The following OGFOD3 variants were observed in gnomAD, a reference collection of about 807,000 sequenced individuals.
OGFOD3 encodes the protein 2-oxoglutarate and iron-dependent oxygenase domain-containing protein 3.
In OGFOD3, 35 loss-of-function variants were observed where a neutral mutation model predicts 39.8. The ratio of observed to expected loss-of-function variants is 0.88; its 90% CI spans 0.67 to 1.17. OGFOD3 has a LOEUF of 1.17. OGFOD3 is among the 50% of genes most tolerant of loss of function. The pLI, the probability that OGFOD3 is intolerant of heterozygous loss-of-function variation, is 0.00. For missense variants in OGFOD3, 438 were observed against 454.5 expected, an observed-to-expected ratio of 0.96 and a Z score of 0.33; for synonymous variants, 200 against 192.0, an observed-to-expected ratio of 1.04 and a Z score of -0.34.
rs759902310 is a variant in OGFOD3, at chr17:82,406,463, T to A, written c.443A>T (p.His148Leu). Residue 148 changes from histidine (H) to leucine (L), a missense_variant, in exon 5 of 9, where the codon CAC (histidine) becomes CTC (leucine). Coordinates refer to ENST00000313056, the MANE Select transcript of OGFOD3 (RefSeq NM_024648.3). The surrounding 1 kb of genome is among the most constrained non-coding windows in gnomAD (Gnocchi z 5.2). ...SDGGASILDL[H>L]SGALSVGKHF... is the part of the protein sequence containing the mutation. The stretch of plus-strand genomic sequence containing the variant: ...CTTCCCGACAGACAGGGCCCCTGAG[T>A]GCAAGTCCAGAATGGATGCCTGGAA... 1 of 1,613,988 alleles carries A rather than the reference T, an allele frequency of 6.2e-7. No homozygotes were observed. Among genetic ancestry groups the A allele is most frequent in the Non-Finnish European group, 8.5e-7 (1 of 1,180,028 alleles).
At chr17:82,400,190 G>C (rs769106366) in intron 7 of OGFOD3, among the ~76,000 whole-genome samples, 2 of 152,160 alleles carry the variant, frequency 1.3e-5, no homozygotes, top group South Asian at 4.1e-4. Flanking sequence ...GCCCTGGGCG[G>C]TGGGTCAAGC....
At chr17:82,413,148 AG>A (rs2052979736) in intron 2 of OGFOD3, among the ~76,000 whole-genome samples, 1 of 152,246 alleles carries the variant, frequency 6.6e-6, no homozygotes, top group African/African-American at 2.4e-5. Flanking sequence ...CTTTTTTATA[AG>A]GTTTACCCCA....
intron 8 of OGFOD3, among the ~76,000 whole-genome samples, chr17:82,397,914 C>CTGG (rs1172113753): frequency 2.0e-5 from 3 of 152,204 alleles, no homozygotes; most frequent in East Asian, 1.9e-4. Flanking sequence ...CAAGGTGACA[C>CTGG]ACACCAGGGA....
intron 4 of OGFOD3, among the ~76,000 whole-genome samples, chr17:82,408,070 G>A (rs1274734155): frequency 2.6e-5 from 4 of 152,168 alleles, no homozygotes; most frequent in African/African-American, 9.7e-5. Flanking sequence ...TTGAACCCAG[G>A]AGTTGGAGGT....
rs1259594278 is a variant in OGFOD3, at chr17:82,392,691, AAGG to A, written c.824-160_824-158del. ...CCCCTCTGGGAACTGCTTCTGCAGG[AAGG>A]AGGAGCTGGAGAAACAAACGCAGCA... On this transcript the variant is annotated intron_variant, in intron 8 of 8. Coordinates refer to ENST00000313056, the MANE Select transcript of OGFOD3 (RefSeq NM_024648.3). The surrounding 1 kb of genome is among the most constrained non-coding windows in gnomAD (Gnocchi z 4.2). 8 of 883,824 alleles carry A rather than the reference AAGG, an allele frequency of 9.1e-6. No individual in the cohort carries two copies. Among genetic ancestry groups the A allele is most frequent in the African/African-American group, 1.7e-5 (1 of 58,946 alleles). The allele number at this position is 883,824 out of a possible 1,614,324, so 54.7% of individuals were successfully genotyped here. A position where few individuals can be genotyped will look rare whatever the true frequency, so the allele number is the denominator to read the frequency against.
rs2053025010 is a variant in OGFOD3, at chr17:82,415,887, GT to G, written c.75-261del. Among the ~76,000 whole-genome samples the G allele has an allele frequency of 1.4e-5, 2 of 146,522 alleles. No homozygotes were observed. The highest frequency in any genetic ancestry group is 5.1e-5 in the African/African-American group (2 of 38,962). ...GAAATATTGCAATAGAGACTCATGGGTTTTAAGCAAAAGAAAAAAAAAAAAA... is the reference window on the plus strand; with the variant it reads ...GAAATATTGCAATAGAGACTCATGGGTTTAAGCAAAAGAAAAAAAAAAAAA... On this transcript the variant is annotated intron_variant, in intron 1 of 8. Coordinates refer to ENST00000313056, the MANE Select transcript of OGFOD3 (RefSeq NM_024648.3). This position sits in a 1 kb window ranked among gnomAD's most constrained non-coding sequence, Gnocchi z 5.3.
chr17:82,393,577 G>C (rs1217481407), intron 8 of OGFOD3: 1 of 152,260 alleles, frequency 6.6e-6, no homozygotes, highest in Non-Finnish European at 1.5e-5. Flanking sequence ...AGATATGCAG[G>C]ACACGTCCTT....
rs143458096 is a variant in OGFOD3 at position 82,409,410 on chromosome 17, G to A, written c.381C>T (p.Ser127=). 5,507 of 1,613,732 alleles carry A rather than the reference G, an allele frequency of 3.4e-3. 13 individuals are homozygous for A. The highest frequency in any genetic ancestry group is 4.3e-3 in the Non-Finnish European group (5,043 of 1,179,650). The change falls in exon 4 of 9, where the codon AGC becomes AGT. Residue 127 remains serine (S), a splice_region_variant and synonymous_variant. Coordinates refer to ENST00000313056, the MANE Select transcript of OGFOD3 (RefSeq NM_024648.3). ...CCAGGGAGAGCCCCTTTTCAGCTAC[G>A]CTGCAGGGAGAAAATAATTCAGAAT... ...ITREEAERIR[S]VAEKGLSLGG... is the part of the protein sequence containing the mutation.
At chr17:82,398,016 C>T (rs935762741) in intron 8 of OGFOD3, among the ~76,000 whole-genome samples, 180 bp downstream of exon 8, 3 of 152,020 alleles carry the variant, frequency 2.0e-5, no homozygotes, top group Admixed American at 6.6e-5. Flanking sequence ...CATGTGGCCC[C>T]GTAGACACCA....
chr17:82,404,241 G>C lies in OGFOD3; in HGVS notation c.546-151C>G, dbSNP rs186877860. The C allele has an allele frequency of 8.8e-5, 78 of 885,236 alleles. 1 individual carries two copies. In the African/African-American group the frequency reaches 1.2e-3, roughly 13 times the overall value. The allele number at this position is 885,236 out of a possible 1,614,324, so 54.8% of individuals were successfully genotyped here. A position where few individuals can be genotyped will look rare whatever the true frequency, so the allele number is the denominator to read the frequency against. On this transcript the variant is annotated intron_variant, in intron 6 of 8. Coordinates refer to ENST00000313056, the MANE Select transcript of OGFOD3 (RefSeq NM_024648.3). The surrounding 1 kb of genome is among the most constrained non-coding windows in gnomAD (Gnocchi z 4.5). The stretch of plus-strand genomic sequence containing the variant: ...CCAAGCACACCGGGAACAGATACCG[G>C]CTCCGCCTGGGAACGACGCGGCCCA...
rs1599679755 is a variant in OGFOD3 at position 82,389,539 on chromosome 17, G to C, written c.*2859C>G. 6.6e-6 allele frequency: 1 copy of C among 152,034 alleles called. No homozygotes were observed. The highest frequency in any genetic ancestry group is 1.5e-5 in the Non-Finnish European group (1 of 68,024). The allele number at this position is 152,034 out of a possible 1,614,324, so 9.4% of individuals were successfully genotyped here. ...TTTTTTTTTGAGACAGTATCTTGCT[G>C]TCTCCCAGGCTGGAATGCAGTGGAG... On this transcript the variant is annotated 3_prime_UTR_variant, in exon 9 of 9. Transcript: ENST00000313056. This position sits in a 1 kb window ranked among gnomAD's most constrained non-coding sequence, Gnocchi z 4.6.
At chr17:82,409,561 C>CA (rs1222253574) in intron 3 of OGFOD3, 151 bp from the exon 4 acceptor site, 9 of 718,722 alleles carry the variant, frequency 1.3e-5, no homozygotes, top group Non-Finnish European at 1.9e-5. Flanking sequence ...CCAAAGGACT[C>CA]AACTTTCAAA....
intron 7 of OGFOD3, among the ~76,000 whole-genome samples, chr17:82,398,747 C>T (rs942273147): frequency 6.6e-6 from 1 of 151,398 alleles, no homozygotes; most frequent in African/African-American, 2.4e-5. Context: ...CAGCATCACT[C>T]AGGCTGTAGT....
intron 8 of OGFOD3, chr17:82,394,350 C>T (rs1222175388): frequency 4.5e-6 from 7 of 1,567,206 alleles, no homozygotes; most frequent in Non-Finnish European, 6.1e-6. Context: ...TAAAGCAGGA[C>T]TCAGCACGGC....
intron 8 of OGFOD3, chr17:82,394,271 T>G: frequency 7.1e-7 from 1 of 1,417,082 alleles, no homozygotes; most frequent in Non-Finnish European, 9.5e-7. Context: ...ATTACAGGCG[T>G]GAGCCACCAC....
In OGFOD3 at chr17:82,404,457, C is replaced by T. The variant is rs77455127; in HGVS notation, c.546-367G>A. 1.2e-4 allele frequency among the ~76,000 whole-genome samples: 18 copies of T among 152,276 alleles called. 1 individual carries two copies. In the East Asian group the frequency reaches 3.5e-3, roughly 29 times the overall value. ...ATTCAGCAACGAAGAGGCTGCTGTC[C>T]CCCAACGTGAGTGTGCGGGGTGTGT... On this transcript the variant is annotated intron_variant, in intron 6 of 8. Coordinates refer to ENST00000313056, the MANE Select transcript of OGFOD3 (RefSeq NM_024648.3). The surrounding 1 kb of genome is among the most constrained non-coding windows in gnomAD (Gnocchi z 4.5).
At position 82,390,101 on chromosome 17, in the gene OGFOD3, G is replaced by GT. The variant is rs1396917787; in HGVS notation, c.*2296dup. 1.4e-4 allele frequency: 21 copies of GT among 152,268 alleles called. No individual in the cohort carries two copies. Among genetic ancestry groups the GT allele is most frequent in the African/African-American group, 4.6e-4 (19 of 41,546 alleles). The allele number at this position is 152,268 out of a possible 1,614,324, so 9.4% of individuals were successfully genotyped here. On this transcript the variant is annotated 3_prime_UTR_variant, in exon 9 of 9. Coordinates refer to ENST00000313056, the MANE Select transcript of OGFOD3 (RefSeq NM_024648.3). This position sits in a 1 kb window ranked among gnomAD's most constrained non-coding sequence, Gnocchi z 4.9. ...TATCTCTGTGATTATCATGAATAGT[G>GT]TAAGTAGCCAAGAATGAAAATCAAA...
chr17:82,409,530 T>C (rs2052911162), intron 3 of OGFOD3, 120 bp from the exon 4 acceptor site: 1 of 901,170 alleles, frequency 1.1e-6, no homozygotes. Context: ...TTAATGTTTA[T>C]GATGTAAACA....
Position 82,415,317 on chromosome 17 carries a change from CCCAATTCCCACCCCTTCGTCGCAG to C in OGFOD3, c.304+57_304+80del, listed in dbSNP as rs2053013741. On this transcript the variant is annotated intron_variant, in intron 2 of 8. Transcript: ENST00000313056. This position sits in a 1 kb window ranked among gnomAD's most constrained non-coding sequence, Gnocchi z 5.3. ...CTACCCCCAAGCATACCACATCCAA[CCCAATTCCCACCCCTTCGTCGCAG>C]CCAATGTCCTTTAACCACACTGAGT... 6 of 1,402,220 alleles carry C rather than the reference CCCAATTCCCACCCCTTCGTCGCAG, an allele frequency of 4.3e-6. No individual in the cohort carries two copies. The Admixed American group carries it at 7.2e-5, about 17-fold the overall frequency. 86.9% of individuals were successfully genotyped at this position (1,402,220 alleles called of 1,614,324 possible).
Sources: allele counts gnomAD v4.1 joint callset (sites outside exome capture counted in the v4.1 genomes callset), GRCh38; gene constraint gnomAD v4.1.1; non-coding constraint Gnocchi (gnomAD v3.1); transcripts MANE v1.5; gene names NCBI Gene and HGNC (gene_info 2026-07-23, HGNC 2026-07-21).